The following ZNF385B variants were observed in gnomAD, a reference collection of about 807,000 sequenced individuals.
The protein encoded by ZNF385B is zinc finger protein 533.
ZNF385B carries 23 observed loss-of-function variants against 39.2 expected under a neutral mutation model. The ratio of observed to expected loss-of-function variants is 0.59; its 90% CI spans 0.42 to 0.83. ZNF385B has a LOEUF of 0.83. Ranked by LOEUF, ZNF385B falls within the 40% of genes least tolerant of loss-of-function variation. ZNF385B has a pLI of 0.00. For missense variants in ZNF385B, 552 were observed against 598.9 expected, an observed-to-expected ratio of 0.92 and a Z score of 0.82; for synonymous variants, 205 against 222.6, an observed-to-expected ratio of 0.92 and a Z score of 0.70.
intron 1 of ZNF385B, among the ~76,000 whole-genome samples, chr2:179,810,122 T>A (rs1294605829): frequency 6.6e-6 from 1 of 151,910 alleles, no homozygotes; most frequent in Non-Finnish European, 1.5e-5. Flanking sequence ...ATTTTGAATA[T>A]TGTCTTCTTA....
intron 1 of ZNF385B, among the ~76,000 whole-genome samples, chr2:179,831,026 TAA>T (rs1447603472): frequency 2.6e-5 from 4 of 152,290 alleles, no homozygotes; most frequent in South Asian, 4.1e-4. Context: ...CTCTTAAAAA[TAA>T]AGTCTATTAC....
At chr2:179,593,920 T>C (rs2106080810) in intron 3 of ZNF385B, among the ~76,000 whole-genome samples, 1 of 152,308 alleles carries the variant, frequency 6.6e-6, no homozygotes, top group South Asian at 2.1e-4. Context: ...GTCAAGAGTG[T>C]ACACATGAAG....
intron 3 of ZNF385B, among the ~76,000 whole-genome samples, chr2:179,568,021 C>T (rs562449255): frequency 4.6e-5 from 7 of 152,282 alleles, no homozygotes; most frequent in South Asian, 2.1e-4. Flanking sequence ...TCCCACAGCA[C>T]CTGGAATAAA....
At chr2:179,827,151 T>C (rs933142300) in intron 1 of ZNF385B, among the ~76,000 whole-genome samples, 2 of 152,156 alleles carry the variant, frequency 1.3e-5, no homozygotes, top group Admixed American at 6.5e-5. Context: ...GTCAGAAATA[T>C]GTAAATATGA....
intron 1 of ZNF385B, among the ~76,000 whole-genome samples, chr2:179,807,751 T>C (rs576875627): frequency 4.0e-5 from 6 of 151,524 alleles, no homozygotes; most frequent in South Asian, 2.1e-4. Context: ...AAAAATTAGC[T>C]GGGCGTGGTG....
chr2:179,513,586 C>T (rs950560387), intron 5 of ZNF385B, among the ~76,000 whole-genome samples: 1 of 152,278 alleles, frequency 6.6e-6, no homozygotes, highest in South Asian at 2.1e-4. Flanking sequence ...CTTCCACAAC[C>T]CAACCCATTA....
chr2:179,591,233 C>T (rs920928601), intron 3 of ZNF385B, among the ~76,000 whole-genome samples: 6 of 151,854 alleles, frequency 4.0e-5, no homozygotes, highest in Non-Finnish European at 7.4e-5. Context: ...TGATTACAAA[C>T]GTTCCCTCTG....
intron 3 of ZNF385B, among the ~76,000 whole-genome samples, chr2:179,636,739 A>G (rs1476259736): frequency 6.6e-6 from 1 of 152,056 alleles, no homozygotes; most frequent in Non-Finnish European, 1.5e-5. Flanking sequence ...TGACCTTCCT[A>G]TCTCGAATGT....
intron 3 of ZNF385B, chr2:179,586,045 A>G (rs1687042792): frequency 6.6e-6 from 1 of 152,156 alleles, no homozygotes; most frequent in South Asian, 2.1e-4. Context: ...TCTTATACTT[A>G]TATTCCAGCC....
chr2:179,537,852 T>C (rs931206475), intron 4 of ZNF385B, among the ~76,000 whole-genome samples: 17 of 152,310 alleles, frequency 1.1e-4, no homozygotes, highest in African/African-American at 3.8e-4. Flanking sequence ...GTTAGTTTTG[T>C]ACCACATTTC....
At chr2:179,712,075 C>G (rs548427636) in intron 3 of ZNF385B, among the ~76,000 whole-genome samples, 2 of 152,104 alleles carry the variant, frequency 1.3e-5, no homozygotes, top group Admixed American at 6.5e-5. Flanking sequence ...CACTCATTAA[C>G]ATGGATAACT....
chr2:179,784,117 G>A (rs574928799), intron 1 of ZNF385B, among the ~76,000 whole-genome samples: 1 of 152,174 alleles, frequency 6.6e-6, no homozygotes, highest in East Asian at 1.9e-4. Context: ...CGTGGTAAAT[G>A]TATGCCATGG....
chr2:179,566,356 A>G (rs1684576941), intron 3 of ZNF385B, among the ~76,000 whole-genome samples: 1 of 152,244 alleles, frequency 6.6e-6, no homozygotes, highest in Non-Finnish European at 1.5e-5. Context: ...AAGATACAGC[A>G]TTGCATTAGC....
intron 3 of ZNF385B, among the ~76,000 whole-genome samples, chr2:179,571,091 T>A (rs1685158535): frequency 6.6e-6 from 1 of 152,228 alleles, no homozygotes; most frequent in African/African-American, 2.4e-5. Flanking sequence ...ACATGCATAG[T>A]AGCTAACTTT....
At chr2:179,655,360 T>C (rs1218433295) in intron 3 of ZNF385B, among the ~76,000 whole-genome samples, 2 of 151,946 alleles carry the variant, frequency 1.3e-5, no homozygotes, top group Admixed American at 1.3e-4. Context: ...CAATGGAAAA[T>C]ATATCATACA....
intron 3 of ZNF385B, among the ~76,000 whole-genome samples, chr2:179,767,001 T>C (rs1028522342): frequency 1.8e-4 from 28 of 152,296 alleles, no homozygotes; most frequent in African/African-American, 6.7e-4. Context: ...TCAAGAGGAA[T>C]GTTCATTCTC....
At chr2:179,749,226 G>T (rs901794226) in intron 3 of ZNF385B, among the ~76,000 whole-genome samples, 3 of 151,924 alleles carry the variant, frequency 2.0e-5, no homozygotes, top group African/African-American at 7.3e-5. Flanking sequence ...TTAAATAATA[G>T]ATAAATACTC....
chr2:179,499,347 A>G (rs759385574), intron 5 of ZNF385B, among the ~76,000 whole-genome samples: 1 of 151,922 alleles, frequency 6.6e-6, no homozygotes, highest in Non-Finnish European at 1.5e-5. Flanking sequence ...AAGACATAAA[A>G]AAATTGTGTG....
intron 5 of ZNF385B, among the ~76,000 whole-genome samples, chr2:179,504,970 A>T (rs13013122): frequency 0.83 from 126,622 of 152,012 alleles, 53,076 homozygotes; most frequent in South Asian, 0.92. Flanking sequence ...GGAGTCAACA[A>T]GAGATTGGGT....
Sources: gnomAD v4.1 joint callset for allele counts (sites outside exome capture counted in the v4.1 genomes callset) on GRCh38, gnomAD v4.1.1 for gene constraint, MANE v1.5 for transcripts, NCBI Gene and HGNC (gene_info 2026-07-23, HGNC 2026-07-21) for gene names.